ACMSD: variants seen among roughly 807,000 people sequenced by gnomAD.
The protein encoded by ACMSD is aminocarboxymuconate semialdehyde decarboxylase.
ACMSD carries 37 observed loss-of-function variants against 45.9 expected under a neutral mutation model. That is an observed-to-expected ratio of 0.81 (90% CI 0.62 to 1.06). The LOEUF (loss-of-function observed/expected upper bound fraction) is 1.06. Ranked by LOEUF, ACMSD falls within the 50% of genes least tolerant of loss-of-function variation. The pLI, the probability that ACMSD is intolerant of heterozygous loss-of-function variation, is 0.00. For synonymous variants in ACMSD, 138 were observed against 148.8 expected, an observed-to-expected ratio of 0.93 and a Z score of 0.53; for missense variants, 434 against 420.9, an observed-to-expected ratio of 1.03 and a Z score of -0.27.
At chr2:134,852,995 T>C (rs569759403) in intron 2 of ACMSD, among the ~76,000 whole-genome samples, 102 of 151,952 alleles carry the variant, frequency 6.7e-4, no homozygotes, top group African/African-American at 2.2e-3. Context: ...AAACCCCGTC[T>C]CTACTAAAAA....
intron 9 of ACMSD, 65 bp downstream of exon 9, chr2:134,898,504 A>G (rs1427568680): frequency 4.4e-6 from 5 of 1,146,550 alleles, no homozygotes; most frequent in African/African-American, 1.6e-5. Context: ...GTTTGGTTTC[A>G]GAGCACTTTG....
chr2:134,897,571 A>C lies in ACMSD; in HGVS notation c.850-770A>C, dbSNP rs1464884226. Among the ~76,000 whole-genome samples, 3 of 152,040 alleles carry C rather than the reference A, an allele frequency of 2.0e-5. No homozygotes were observed. The East Asian group carries it at 5.8e-4, about 29-fold the overall frequency. On this transcript the variant is annotated intron_variant, in intron 8 of 9. Coordinates refer to ENST00000356140, the MANE Select transcript of ACMSD (RefSeq NM_138326.3). ...TTTGAGAAGTAAAATTTCTGGTTTG[A>C]ATTTTTATTTTATTTTACTTTGATA...
intron 8 of ACMSD, among the ~76,000 whole-genome samples, chr2:134,877,025 G>T (rs1286847152): frequency 3.3e-5 from 5 of 152,102 alleles, no homozygotes; most frequent in African/African-American, 7.2e-5. Flanking sequence ...CACCCACCTT[G>T]GCCTCCCTAA....
chr2:134,886,545 G>A (rs1402540582), intron 8 of ACMSD, among the ~76,000 whole-genome samples: 6 of 151,904 alleles, frequency 3.9e-5, no homozygotes, highest in South Asian at 4.1e-4. Context: ...CACTGCGCCC[G>A]GCCCATGATT....
intron 8 of ACMSD, among the ~76,000 whole-genome samples, chr2:134,884,020 A>G (rs1689188860): frequency 1.3e-5 from 2 of 152,212 alleles, no homozygotes; most frequent in Non-Finnish European, 2.9e-5. Context: ...TTGCGAAATT[A>G]CTGACAAGTC....
intron 9 of ACMSD, 78 bp from the exon 10 acceptor site, chr2:134,901,720 T>A: frequency 1.9e-6 from 2 of 1,042,428 alleles, no homozygotes; most frequent in Non-Finnish European, 2.7e-6. Context: ...CTGATTTTTT[T>A]AAACCTGATC....
At position 134,853,167 on chromosome 2, in the gene ACMSD, T is replaced by TAA. The variant is rs201350282; in HGVS notation, c.103-6076_103-6075dup. 9.8e-3 allele frequency among the ~76,000 whole-genome samples: 1,038 copies of TAA among 106,450 alleles called. 11 individuals carry two copies. Among genetic ancestry groups the TAA allele is most frequent in the African/African-American group, 0.021 (604 of 28,432 alleles). The allele number at this position is 106,450 out of a possible 152,430, so 69.8% of individuals were successfully genotyped here. On this transcript the variant is annotated intron_variant, in intron 2 of 9. Coordinates refer to ENST00000356140, the MANE Select transcript of ACMSD (RefSeq NM_138326.3). ...AACAGAGCGAGACTCCATCTCAATC[T>TAA]AAAAAAAAAAAAAAAAAAAGGAAAG...
intron 2 of ACMSD, among the ~76,000 whole-genome samples, chr2:134,854,212 TTTA>T (rs1333448453): frequency 1.3e-5 from 2 of 152,252 alleles, no homozygotes; most frequent in African/African-American, 4.8e-5. Flanking sequence ...CTGGCTGTTA[TTTA>T]TTGAGCATGC....
At chr2:134,870,860 G>A (rs1180774447) in intron 6 of ACMSD, 105 bp from the exon 7 acceptor site, 3 of 906,696 alleles carry the variant, frequency 3.3e-6, no homozygotes, top group Non-Finnish European at 5.2e-6. Context: ...CAGGGTACAA[G>A]GGCCTCAAGT....
intron 1 of ACMSD, among the ~76,000 whole-genome samples, chr2:134,839,595 G>C (rs1468548389): frequency 1.3e-5 from 2 of 152,120 alleles, no homozygotes; most frequent in African/African-American, 4.8e-5. Context: ...ACCCAAACTT[G>C]AATTAAATGT....
chr2:134,850,933 G>A (rs1007495047), intron 2 of ACMSD, among the ~76,000 whole-genome samples: 1 of 152,140 alleles, frequency 6.6e-6, no homozygotes, highest in Non-Finnish European at 1.5e-5. Context: ...CAGTTTCTCA[G>A]GCCTTGTCTC....
intron 8 of ACMSD, among the ~76,000 whole-genome samples, chr2:134,876,911 A>T (rs1688764492): frequency 6.6e-6 from 1 of 152,128 alleles, no homozygotes; most frequent in African/African-American, 2.4e-5. Context: ...CCTCCCAAGT[A>T]GCTGGGATTA....
At chr2:134,858,950 G>GCAAGA (rs1687718925) in intron 2 of ACMSD, among the ~76,000 whole-genome samples, 1 of 147,194 alleles carries the variant, frequency 6.8e-6, no homozygotes, top group Non-Finnish European at 1.5e-5. Context: ...CTTGTATCTA[G>GCAAGA]TAGCCAGGGG....
At chr2:134,880,677 T>C (rs1176205254) in intron 8 of ACMSD, among the ~76,000 whole-genome samples, 1 of 152,102 alleles carries the variant, frequency 6.6e-6, no homozygotes, top group Non-Finnish European at 1.5e-5. Flanking sequence ...TTTTAGGAAG[T>C]TTGATTATCC....
intron 8 of ACMSD, among the ~76,000 whole-genome samples, chr2:134,885,283 T>TACA: frequency 1.6e-5 from 1 of 63,346 alleles, no homozygotes; most frequent in East Asian, 1.1e-3. Flanking sequence ...ATATATTATA[T>TACA]ATTATATTTA....
chr2:134,839,120 G>A (rs139679181), intron 1 of ACMSD, among the ~76,000 whole-genome samples: 7 of 152,298 alleles, frequency 4.6e-5, no homozygotes, highest in African/African-American at 1.7e-4. Flanking sequence ...AATGGAATGT[G>A]ATCGGTTTCA....
chr2:134,863,336 G>C, intron 4 of ACMSD, 59 bp from the exon 5 acceptor site: 1 of 1,493,378 alleles, frequency 6.7e-7, no homozygotes, highest in Middle Eastern at 1.7e-4. Context: ...TGTTCAGAGT[G>C]AATGTCTAAA....
chr2:134,872,036 A>T (rs1459139229), intron 7 of ACMSD, among the ~76,000 whole-genome samples: 1 of 145,444 alleles, frequency 6.9e-6, no homozygotes, highest in Non-Finnish European at 1.5e-5. Flanking sequence ...GGCTCACTGC[A>T]CCCTCCACCT....
intron 9 of ACMSD, among the ~76,000 whole-genome samples, chr2:134,901,370 T>C (rs1232298016): frequency 2.0e-5 from 3 of 152,178 alleles, no homozygotes; most frequent in East Asian, 3.8e-4. Context: ...TTAACTTTTA[T>C]TTAGGGCCAT....
Sources: allele counts gnomAD v4.1 joint callset (sites outside exome capture counted in the v4.1 genomes callset), GRCh38; gene constraint gnomAD v4.1.1; transcripts MANE v1.5; gene names NCBI Gene and HGNC (gene_info 2026-07-23, HGNC 2026-07-21).